The following PCDH15 variants were observed in gnomAD, a reference collection of about 807,000 sequenced individuals.
PCDH15 encodes protocadherin related 15, also known as protocadherin-15.
PCDH15 carries 129 observed loss-of-function variants against 178.5 expected under a neutral mutation model. The observed-to-expected ratio is 0.72, with a 90% CI of 0.63 to 0.84. PCDH15 has a LOEUF of 0.84. Among genes scored for constraint, PCDH15 ranks in the 40% least tolerant of loss-of-function variants. The pLI, the probability that PCDH15 is intolerant of heterozygous loss-of-function variation, is 0.00. For synonymous variants in PCDH15, 800 were observed against 732.0 expected (o/e 1.09, Z -1.50); for missense variants, 2,230 against 2,099.9 (o/e 1.06, Z -1.21).
At chr10:55,410,991 G>C (rs1021254214) in intron 2 of PCDH15, among the ~76,000 whole-genome samples, 1 of 151,998 alleles carries the variant, frequency 6.6e-6, no homozygotes, top group Non-Finnish European at 1.5e-5. Context: ...TGAATAGAGT[G>C]AATACTTACT....
At chr10:54,360,846 T>G (rs1945911422) in intron 5 of PCDH15, among the ~76,000 whole-genome samples, 1 of 152,096 alleles carries the variant, frequency 6.6e-6, no homozygotes, top group South Asian at 2.1e-4. Context: ...AGAACTTGTG[T>G]TGATTTGAAT....
Position 53,988,222 on chromosome 10 carries a change from C to T in PCDH15, c.2868+7427G>A, listed in dbSNP as rs879565773. Among the ~76,000 whole-genome samples, 44 of 152,158 alleles carry T rather than the reference C, an allele frequency of 2.9e-4. 1 individual carries two copies. Among genetic ancestry groups the T allele is most frequent in the Non-Finnish European group, 2.2e-4 (15 of 68,022 alleles). On this transcript the variant is annotated intron_variant, in intron 21 of 37. Coordinates refer to ENST00000644397, the MANE Select transcript of PCDH15 (RefSeq NM_001384140.1). ...GGCAACCTTAGCCTCACACTGCCAT[C>T]TGCCTCTAGCCTCCCCTCAGCATTA...
chr10:54,771,951 A>C (rs1248275399), intron 1 of PCDH15, among the ~76,000 whole-genome samples: 2 of 152,162 alleles, frequency 1.3e-5, no homozygotes. Context: ...CAAAATAGAA[A>C]GGATTGTAAT....
At chr10:54,600,621 A>G (rs764948024) in intron 2 of PCDH15, 3 of 582,518 alleles carry the variant, frequency 5.2e-6, no homozygotes, top group Non-Finnish European at 9.8e-6. Context: ...ACCAGTGTCT[A>G]CTAAAAAGGT....
At chr10:54,044,612 C>T (rs2093621474) in intron 18 of PCDH15, among the ~76,000 whole-genome samples, 1 of 152,036 alleles carries the variant, frequency 6.6e-6, no homozygotes, top group East Asian at 1.9e-4. Flanking sequence ...ATATCAGAGG[C>T]AGATGGATGA....
chr10:54,896,358 C>T (rs1005355465), intron 3 of PCDH15, among the ~76,000 whole-genome samples: 6 of 152,092 alleles, frequency 3.9e-5, no homozygotes, highest in African/African-American at 1.2e-4. Flanking sequence ...AGCTGAGATA[C>T]ACGAGTTTGA....
chr10:53,913,647 G>A (rs1234377754), intron 25 of PCDH15, among the ~76,000 whole-genome samples: 1 of 151,854 alleles, frequency 6.6e-6, no homozygotes, highest in Non-Finnish European at 1.5e-5. Flanking sequence ...GGGAGGCTGA[G>A]GCAGGAGAAT....
chr10:54,759,628 C>A (rs55826808), intron 1 of PCDH15, among the ~76,000 whole-genome samples: 2 of 152,052 alleles, frequency 1.3e-5, no homozygotes, highest in Non-Finnish European at 2.9e-5. Context: ...CTTTCGGCAG[C>A]GTATTTTTAA....
intron 2 of PCDH15, among the ~76,000 whole-genome samples, chr10:55,549,403 C>T (rs1019920053): frequency 6.6e-6 from 1 of 151,960 alleles, no homozygotes; most frequent in Non-Finnish European, 1.5e-5. Context: ...AAATTAAAAA[C>T]TCCAAGATGA....
chr10:54,283,872 A>T (rs1367722015), intron 8 of PCDH15, among the ~76,000 whole-genome samples: 2 of 152,172 alleles, frequency 1.3e-5, no homozygotes, highest in African/African-American at 4.8e-5. Flanking sequence ...TTTTAGAGAC[A>T]GGGTCTCACT....
At chr10:54,175,998 A>AG (rs2047395319) in intron 13 of PCDH15, among the ~76,000 whole-genome samples, 1 of 152,190 alleles carries the variant, frequency 6.6e-6, no homozygotes, top group South Asian at 2.1e-4. Flanking sequence ...ATTTAAGAGC[A>AG]GGAAGGGGTA....
intron 2 of PCDH15, among the ~76,000 whole-genome samples, chr10:54,540,771 C>A (rs1236390770): frequency 4.6e-5 from 7 of 152,088 alleles, no homozygotes; most frequent in African/African-American, 1.7e-4. Flanking sequence ...AAAATACTTT[C>A]AAACCAAATA....
At chr10:55,551,797 G>T (rs760664362) in intron 2 of PCDH15, among the ~76,000 whole-genome samples, 6 of 151,486 alleles carry the variant, frequency 4.0e-5, no homozygotes, top group African/African-American at 1.2e-4. Context: ...TACATATTGC[G>T]AAATCAAAGA....
intron 1 of PCDH15, among the ~76,000 whole-genome samples, chr10:54,766,441 CTTA>C (rs763536864): frequency 4.7e-4 from 72 of 151,772 alleles, no homozygotes; most frequent in Non-Finnish European, 8.1e-4. Flanking sequence ...CCATTTAAAG[CTTA>C]TTATTAGTTA....
intron 1 of PCDH15, among the ~76,000 whole-genome samples, chr10:54,786,324 T>C (rs1950873255): frequency 6.6e-6 from 1 of 152,036 alleles, no homozygotes; most frequent in Non-Finnish European, 1.5e-5. Flanking sequence ...CACATGATTC[T>C]ACTACTTCAC....
At chr10:55,616,133 T>C (rs1317336862) in intron 2 of PCDH15, among the ~76,000 whole-genome samples, 1 of 152,130 alleles carries the variant, frequency 6.6e-6, no homozygotes, top group Non-Finnish European at 1.5e-5. Flanking sequence ...CTTCTGAATT[T>C]TCCACATTTT....
intron 8 of PCDH15, among the ~76,000 whole-genome samples, chr10:54,275,520 C>A (rs2058302483): frequency 6.6e-6 from 1 of 151,666 alleles, no homozygotes; most frequent in Non-Finnish European, 1.5e-5. Flanking sequence ...ATTAAATGAT[C>A]AAGAACTTGA....
chr10:53,939,278 C>T (rs2085844274), intron 24 of PCDH15, among the ~76,000 whole-genome samples: 1 of 152,036 alleles, frequency 6.6e-6, no homozygotes, highest in Admixed American at 6.6e-5. Flanking sequence ...TTCAGATGGT[C>T]TTCTGTCACA....
At chr10:54,037,415 G>A (rs1449101182) in intron 18 of PCDH15, among the ~76,000 whole-genome samples, 1 of 151,804 alleles carries the variant, frequency 6.6e-6, no homozygotes, top group Non-Finnish European at 1.5e-5. Flanking sequence ...CCTAATCAGT[G>A]AGCAGCCACC....
Sources: gnomAD v4.1 joint callset for allele counts (sites outside exome capture counted in the v4.1 genomes callset) on GRCh38, gnomAD v4.1.1 for gene constraint, MANE v1.5 for transcripts, NCBI Gene and HGNC (gene_info 2026-07-23, HGNC 2026-07-21) for gene names.